The following LEF1 variants were observed in gnomAD, a reference collection of about 807,000 sequenced individuals.
LEF1 encodes lymphoid enhancer-binding factor 1.
In LEF1, 14 loss-of-function variants were observed where a neutral mutation model predicts 51.2. The ratio of observed to expected loss-of-function variants is 0.27; its 90% CI spans 0.18 to 0.43. The LOEUF is 0.43. LEF1 is among the 20% of genes least tolerant of loss of function. LEF1 has a pLI of 1.00. For synonymous variants in LEF1, 185 were observed against 183.2 expected, an observed-to-expected ratio of 1.01 and a Z score of -0.08; for missense variants, 386 against 512.0, an observed-to-expected ratio of 0.75 and a Z score of 2.37.
At chr4:108,157,411 C>T (rs1744803813) in intron 3 of LEF1, among the ~76,000 whole-genome samples, 1 of 152,066 alleles carries the variant, frequency 6.6e-6, no homozygotes, top group Non-Finnish European at 1.5e-5. Flanking sequence ...TCAGGCTGGT[C>T]TCAAACTCCT....
intron 3 of LEF1, among the ~76,000 whole-genome samples, chr4:108,138,252 A>G (rs1200752662): frequency 2.0e-5 from 3 of 152,230 alleles, no homozygotes; most frequent in Non-Finnish European, 2.9e-5. Flanking sequence ...ATGAAATGCA[A>G]ATAATGTTTT....
intron 3 of LEF1, among the ~76,000 whole-genome samples, chr4:108,111,745 C>G (rs1203144285): frequency 1.3e-5 from 2 of 152,066 alleles, no homozygotes; most frequent in Non-Finnish European, 2.9e-5. Flanking sequence ...AACTCTGTCT[C>G]TACAAAAAAA....
At chr4:108,154,349 G>A (rs1393840977) in intron 3 of LEF1, among the ~76,000 whole-genome samples, 3 of 146,418 alleles carry the variant, frequency 2.0e-5, no homozygotes, top group Non-Finnish European at 4.5e-5. Flanking sequence ...TTAACACCGG[G>A]AGTATAACAC....
At chr4:108,146,204 C>T (rs1743992759) in intron 3 of LEF1, among the ~76,000 whole-genome samples, 1 of 152,236 alleles carries the variant, frequency 6.6e-6, no homozygotes, top group South Asian at 2.1e-4. Context: ...GACTTTAAAA[C>T]ACTAAATGTT....
chr4:108,165,934 G>A (rs1272174786), intron 1 of LEF1, among the ~76,000 whole-genome samples: 1 of 152,188 alleles, frequency 6.6e-6, no homozygotes, highest in African/African-American at 2.4e-5. Context: ...TTCGAACGCA[G>A]TGTCCTTCAC....
intron 3 of LEF1, among the ~76,000 whole-genome samples, chr4:108,128,514 T>A (rs1742682873): frequency 6.6e-6 from 1 of 152,118 alleles, no homozygotes; most frequent in South Asian, 2.1e-4. Flanking sequence ...AGGGCTTTTT[T>A]TTTTTTCTAC....
At chr4:108,084,235 T>C (rs1034542497) in intron 4 of LEF1, among the ~76,000 whole-genome samples, 1 of 152,120 alleles carries the variant, frequency 6.6e-6, no homozygotes, top group Non-Finnish European at 1.5e-5. Context: ...GACAAATGCA[T>C]AAAATGTAAA....
chr4:108,123,660 T>G (rs1742327374), intron 3 of LEF1, among the ~76,000 whole-genome samples: 1 of 152,116 alleles, frequency 6.6e-6, no homozygotes, highest in Admixed American at 6.6e-5. Flanking sequence ...TATGCATGTT[T>G]GTGAGTATGT....
intron 11 of LEF1, among the ~76,000 whole-genome samples, chr4:108,057,465 A>AT (rs1737379557): frequency 6.6e-6 from 1 of 152,062 alleles, no homozygotes; most frequent in Non-Finnish European, 1.5e-5. Context: ...GGAAATAAAT[A>AT]TTTTTCTCAT....
chr4:108,069,325 A>G (rs1304522380), intron 9 of LEF1, among the ~76,000 whole-genome samples: 1 of 152,206 alleles, frequency 6.6e-6, no homozygotes, highest in Non-Finnish European at 1.5e-5. Context: ...CAAAATATTA[A>G]ATTAACTTAA....
Position 108,052,915 on chromosome 4 carries a change from C to T in LEF1, c.*7-4164G>A, listed in dbSNP as rs186959585. On this transcript the variant is annotated intron_variant, in intron 11 of 11. Transcript: ENST00000265165. ...TTATCATCATTACAGTTTGCATCTT[C>T]CCACCCACTTACAGATAAGGACACT... 2.0e-3 allele frequency among the ~76,000 whole-genome samples: 312 copies of T among 152,308 alleles called. 2 individuals carry two copies. Among genetic ancestry groups the T allele is most frequent in the African/African-American group, 7.1e-3 (294 of 41,560 alleles).
At chr4:108,110,059 G>A (rs1455685789) in intron 3 of LEF1, among the ~76,000 whole-genome samples, 1 of 152,188 alleles carries the variant, frequency 6.6e-6, no homozygotes, top group African/African-American at 2.4e-5. Flanking sequence ...ATGAGGATTT[G>A]TATTAGAACT....
intron 3 of LEF1, among the ~76,000 whole-genome samples, chr4:108,122,653 T>C (rs1352332223): frequency 3.3e-5 from 5 of 152,096 alleles, no homozygotes; most frequent in Non-Finnish European, 7.4e-5. Flanking sequence ...AATTTATTTT[T>C]ATTTTTATTT....
At chr4:108,110,416 G>A (rs1320055391) in intron 3 of LEF1, among the ~76,000 whole-genome samples, 1 of 152,122 alleles carries the variant, frequency 6.6e-6, no homozygotes, top group African/African-American at 2.4e-5. Context: ...CTGCTTGTCT[G>A]TTGCCTAGAA....
chr4:108,100,602 A>G (rs541411403), intron 3 of LEF1, among the ~76,000 whole-genome samples: 108 of 152,312 alleles, frequency 7.1e-4, no homozygotes, highest in Middle Eastern at 3.4e-3. Flanking sequence ...TCCCGAGAGC[A>G]ATCTACATTA....
chr4:108,140,567 G>T (rs1432509921), intron 3 of LEF1, among the ~76,000 whole-genome samples: 1 of 152,110 alleles, frequency 6.6e-6, no homozygotes, highest in Admixed American at 6.6e-5. Context: ...GGTAAACCCA[G>T]GCCTGGGTAT....
In LEF1 at chr4:108,167,539, G is replaced by A. The variant is rs961182238; in HGVS notation, c.213+16C>T. On this transcript the variant is annotated intron_variant, in intron 1 of 11. Coordinates refer to ENST00000265165, the MANE Select transcript of LEF1 (RefSeq NM_016269.5). This position sits in a 1 kb window ranked among gnomAD's most constrained non-coding sequence, Gnocchi z 5.7. Reference sequence around the variant, plus strand: ...ACCCGCCACGCCTCTCGGAACTGGGGCAGCGGCCCGCTCACCTCGTGTCCG... The same window carrying A: ...ACCCGCCACGCCTCTCGGAACTGGGACAGCGGCCCGCTCACCTCGTGTCCG... 2 of 1,612,888 alleles carry A rather than the reference G, an allele frequency of 1.2e-6. No homozygotes were observed. Among genetic ancestry groups the A allele is most frequent in the Non-Finnish European group, 1.7e-6 (2 of 1,179,338 alleles).
intron 3 of LEF1, among the ~76,000 whole-genome samples, chr4:108,101,716 T>A (rs1740835400): frequency 1.3e-5 from 2 of 152,116 alleles, no homozygotes; most frequent in Non-Finnish European, 2.9e-5. Context: ...TAAATGAAAT[T>A]CTAAAGCTTT....
At chr4:108,132,844 A>AT (rs1251896873) in intron 3 of LEF1, among the ~76,000 whole-genome samples, 1 of 150,514 alleles carries the variant, frequency 6.6e-6, no homozygotes, top group African/African-American at 2.4e-5. Context: ...AATTTTTTGT[A>AT]TTTTTTAATA....
Sources: allele counts gnomAD v4.1 joint callset (sites outside exome capture counted in the v4.1 genomes callset), GRCh38; gene constraint gnomAD v4.1.1; non-coding constraint Gnocchi (gnomAD v3.1); transcripts MANE v1.5; gene names NCBI Gene and HGNC (gene_info 2026-07-23, HGNC 2026-07-21).